AKAP11: variants seen among roughly 807,000 people sequenced by gnomAD.
AKAP11 encodes the protein A-kinase anchoring protein 11.
A neutral mutation model predicts 146.1 loss-of-function variants in AKAP11; 36 were observed. The observed-to-expected ratio is 0.25, with a 90% CI of 0.19 to 0.33. The LOEUF (loss-of-function observed/expected upper bound fraction) is 0.33. Among genes scored for constraint, AKAP11 ranks in the 10% least tolerant of loss-of-function variants. The probability of loss-of-function intolerance (pLI) is 1.00; values close to 1 mark genes in which losing one functional copy is unlikely to be tolerated. For synonymous variants in AKAP11, 780 were observed against 786.5 expected, an observed-to-expected ratio of 0.99 and a Z score of 0.14; for missense variants, 2,201 against 2,197.0, an observed-to-expected ratio of 1.00 and a Z score of -0.04.
chr13:42,314,400 A>G (rs906380417), intron 11 of AKAP11, among the ~76,000 whole-genome samples: 1 of 149,290 alleles, frequency 6.7e-6, no homozygotes, highest in Non-Finnish European at 1.5e-5. Context: ...AGCCGAGATC[A>G]TGCCACTGCA....
Position 42,295,723 on chromosome 13 carries a change from C to T in AKAP11, c.197C>T (p.Thr66Ile). 1.2e-6 allele frequency: 2 copies of T among 1,610,294 alleles called. No individual in the cohort carries two copies. Among genetic ancestry groups the T allele is most frequent in the Non-Finnish European group, 1.7e-6 (2 of 1,178,996 alleles). ...ACATTTCTGGGTTTTAATGAAGAGA[C>T]AGATGCTGCTCATATACAGGTATGG... ...EVTFLGFNEE[T>I]DAAHIQDLAA... The change falls in exon 5 of 13, where the codon ACA (threonine) becomes ATA (isoleucine). Residue 66 changes from threonine to isoleucine, a missense_variant. Thr to Ile is a moderately conservative substitution (Grantham distance 89, BLOSUM62 -1). Transcript: ENST00000025301.
At position 42,302,172 on chromosome 13, in the gene AKAP11, C is replaced by T. The variant is rs1366982892; in HGVS notation, c.3426C>T (p.His1142=). ...CTGCTACACCACCTTCTACTCCACACAACTCATCTGTTGGTAGTTTGTCTG... is the reference window on the plus strand; with the variant it reads ...CTGCTACACCACCTTCTACTCCACATAACTCATCTGTTGGTAGTTTGTCTG... ...FAPATPPSTP[H]NSSVGSLSEN... Residue 1142 remains histidine (H), a synonymous_variant, in exon 8 of 13, where the codon CAC becomes CAT. Coordinates refer to ENST00000025301, the MANE Select transcript of AKAP11 (RefSeq NM_016248.4). 2 of 1,614,180 alleles carry T rather than the reference C, an allele frequency of 1.2e-6. No homozygotes were observed. Among genetic ancestry groups the T allele is most frequent in the Admixed American group, 1.7e-5 (1 of 60,026 alleles).
chr13:42,303,277 C>T lies in AKAP11; in HGVS notation c.4531C>T (p.Leu1511Phe), dbSNP rs1162486590. 6.2e-7 allele frequency: 1 copy of T among 1,613,360 alleles called. No individual in the cohort carries two copies. Among genetic ancestry groups the T allele is most frequent in the Non-Finnish European group, 8.5e-7 (1 of 1,180,022 alleles). ...CHVTPELPKS[L>F]QPSSQNHRFY... ...CGTTACACCAGAATTGCCTAAGTCT[C>T]TTCAGCCTTCCTCACAAAATCACAG... The change falls in exon 8 of 13, where the codon CTT becomes TTT. Residue 1511 changes from leucine (L) to phenylalanine (F), a missense_variant. Around this residue, in one of 3 missense-constraint regions of AKAP11, gnomAD observed 1,867 missense variants for 1,833.5 expected, o/e 1.02. Transcript: ENST00000025301.
intron 1 of AKAP11, among the ~76,000 whole-genome samples, chr13:42,279,943 G>C (rs1959023917): frequency 6.6e-6 from 1 of 152,138 alleles, no homozygotes; most frequent in African/African-American, 2.4e-5. Context: ...TACTAAGGCT[G>C]CTTCTACTAA....
intron 12 of AKAP11, 103 bp downstream of exon 12, chr13:42,317,791 G>C: frequency 2.3e-6 from 3 of 1,329,018 alleles, no homozygotes; most frequent in Non-Finnish European, 3.0e-6. Context: ...TAAATTCTTA[G>C]GCTGTAGTGT....
At chr13:42,316,776 G>A (rs974487707) in intron 11 of AKAP11, among the ~76,000 whole-genome samples, 4 of 152,216 alleles carry the variant, frequency 2.6e-5, no homozygotes, top group Admixed American at 1.3e-4. Flanking sequence ...TGGTTGTGAG[G>A]ATTAAAGGAG....
chr13:42,294,772 T>G (rs539614520), intron 4 of AKAP11, among the ~76,000 whole-genome samples: 2 of 152,252 alleles, frequency 1.3e-5, no homozygotes, highest in African/African-American at 4.8e-5. Context: ...ATTGATCTTA[T>G]GACTTAGGGA....
chr13:42,286,323 T>C lies in AKAP11; in HGVS notation c.-26T>C, dbSNP rs544208884. On this transcript the variant is annotated 5_prime_UTR_variant, in exon 3 of 13. Coordinates refer to ENST00000025301, the MANE Select transcript of AKAP11 (RefSeq NM_016248.4). ...AGGTGTTTTGTGGATTAACTCTTCA[T>C]TGATTATATACAACAAAAAATAGTT... is the stretch of plus-strand genomic sequence containing the variant. 3 of 1,530,020 alleles carry C rather than the reference T, an allele frequency of 2.0e-6. No individual in the cohort carries two copies. Among genetic ancestry groups the C allele is most frequent in the East Asian group, 2.3e-5 (1 of 42,662 alleles). The allele number at this position is 1,530,020 out of a possible 1,614,324, so 94.8% of individuals were successfully genotyped here.
rs575312531 is a variant in AKAP11, at chr13:42,299,478, A to G, written c.732A>G (p.Ser244=). 6.2e-7 allele frequency: 1 copy of G among 1,613,972 alleles called. No homozygotes were observed. Among genetic ancestry groups the G allele is most frequent in the South Asian group, 1.1e-5 (1 of 91,082 alleles). The change falls in exon 8 of 13, where the codon TCA becomes TCG. Residue 244 remains serine, a synonymous_variant. Coordinates refer to ENST00000025301, the MANE Select transcript of AKAP11 (RefSeq NM_016248.4). ...KILISSGQQK[S]LAKPSTSSVN... is the part of the protein sequence containing the mutation. ...TCATTAGCTCTGGACAGCAGAAGTC[A>G]TTGGCTAAACCCTCAACTTCCTCAG...
At chr13:42,274,763 A>G (rs770282103) in intron 1 of AKAP11, among the ~76,000 whole-genome samples, 5 of 152,224 alleles carry the variant, frequency 3.3e-5, no homozygotes, top group Non-Finnish European at 7.3e-5. Context: ...TAAAAGGAGA[A>G]AAGTTATCAT....
intron 8 of AKAP11, among the ~76,000 whole-genome samples, chr13:42,304,183 TA>T (rs1311784518): frequency 1.3e-5 from 2 of 152,188 alleles, no homozygotes; most frequent in Non-Finnish European, 2.9e-5. Context: ...GAATTTTATA[TA>T]GTAGTCCCCC....
intron 8 of AKAP11, among the ~76,000 whole-genome samples, chr13:42,306,665 G>T (rs1331694356): frequency 6.6e-6 from 1 of 152,094 alleles, no homozygotes; most frequent in Non-Finnish European, 1.5e-5. Context: ...AGTTAAATTT[G>T]TCTTTCAAAC....
chr13:42,285,497 A>G (rs1190696197), intron 1 of AKAP11, among the ~76,000 whole-genome samples: 1 of 152,236 alleles, frequency 6.6e-6, no homozygotes, highest in Non-Finnish European at 1.5e-5. Context: ...GAAGGCTTTG[A>G]ATGCAGGAGG....
At position 42,302,223 on chromosome 13, in the gene AKAP11, A is replaced by G; in HGVS notation, c.3477A>G (p.Lys1159=). Residue 1159 remains lysine, a synonymous_variant, in exon 8 of 13, where the codon AAA becomes AAG. Coordinates refer to ENST00000025301, the MANE Select transcript of AKAP11 (RefSeq NM_016248.4). ...LSENEQNTIE[K]EEFMLKLMRS... ...AGAATGAACAAAATACTATAGAAAA[A>G]GAAGAGTTCATGTTGAAACTCATGC... 1 of 1,614,228 alleles carries G rather than the reference A, an allele frequency of 6.2e-7. No individual in the cohort carries two copies. The highest frequency in any genetic ancestry group is 8.5e-7 in the Non-Finnish European group (1 of 1,180,028).
At position 42,322,984 on chromosome 13, in the gene AKAP11, GA is replaced by G. The variant is rs1961148772; in HGVS notation, c.*3758del. ...CCAGATACATAGCAAAAGCAGCTTG[GA>G]ATAATTATAGCTGTTTATTTGGCTG... On this transcript the variant is annotated 3_prime_UTR_variant, in exon 13 of 13. Transcript: ENST00000025301. 1 of 152,668 alleles carries G rather than the reference GA, an allele frequency of 6.6e-6. No homozygotes were observed. Among genetic ancestry groups the G allele is most frequent in the Non-Finnish European group, 1.5e-5 (1 of 67,984 alleles). The allele number at this position is 152,668 out of a possible 1,614,324, so 9.5% of individuals were successfully genotyped here. A position where few individuals can be genotyped will look rare whatever the true frequency, so the allele number is the denominator to read the frequency against.
chr13:42,315,764 A>G (rs1960789607), intron 11 of AKAP11, among the ~76,000 whole-genome samples: 1 of 152,232 alleles, frequency 6.6e-6, no homozygotes, highest in Admixed American at 6.5e-5. Context: ...AGCCAGCTTT[A>G]AATTTGTTAG....
chr13:42,303,672 T>G lies in AKAP11; in HGVS notation c.4926T>G (p.Val1642=). The part of the protein sequence containing the change: ...IFHLSVPQIH[V]NLDKKAVLAE... ...ATCTCAGTGTCCCTCAGATTCATGT[T>G]AATCTTGATAAGAAGGCAGTGCTTG... The change falls in exon 8 of 13, where the codon GTT becomes GTG. Residue 1642 remains valine, a synonymous_variant. Transcript: ENST00000025301. 2 of 1,614,204 alleles carry G rather than the reference T, an allele frequency of 1.2e-6. No homozygotes were observed. Among genetic ancestry groups the G allele is most frequent in the Non-Finnish European group, 1.7e-6 (2 of 1,180,022 alleles).
upstream of AKAP11, chr13:42,272,051 T>TGCGGCGGCGGCG (rs1019424784): frequency 7.4e-6 from 1 of 135,836 alleles, no homozygotes; most frequent in African/African-American, 2.7e-5. Context: ...GGGCCGGAGC[T>TGCGGCGGCGGCG]GCGGCGGCGG....
chr13:42,322,870 T>A lies in AKAP11; in HGVS notation c.*3642T>A, dbSNP rs1961143639. 6.5e-6 allele frequency: 1 copy of A among 152,736 alleles called. No individual in the cohort carries two copies. Among genetic ancestry groups the A allele is most frequent in the Non-Finnish European group, 1.5e-5 (1 of 68,014 alleles). The allele number at this position is 152,736 out of a possible 1,614,324, so 9.5% of individuals were successfully genotyped here. On this transcript the variant is annotated 3_prime_UTR_variant, in exon 13 of 13. Transcript: ENST00000025301. ...TGTTTTTGTTGTAATGTTTGAATAC[T>A]ATTTAATATCCGGTTTTAATATTGC... is the stretch of plus-strand genomic sequence containing the variant.
Sources: gnomAD v4.1 joint callset for allele counts (sites outside exome capture counted in the v4.1 genomes callset) on GRCh38, gnomAD v4.1.1 for gene constraint, gnomAD v4.1.1 regional missense constraint, MANE v1.5 for transcripts, NCBI Gene and HGNC (gene_info 2026-07-23, HGNC 2026-07-21) for gene names.